ADAM18: variants seen among roughly 807,000 people sequenced by gnomAD.
ADAM18 encodes disintegrin and metalloproteinase domain-containing protein 18.
In ADAM18, 117 loss-of-function variants were observed where a neutral mutation model predicts 94.4. The ratio of observed to expected loss-of-function variants is 1.24; its 90% CI spans 1.07 to 1.45. The LOEUF (loss-of-function observed/expected upper bound fraction) is 1.45, where lower values mean the gene tolerates loss of function less well. Ranked by LOEUF, ADAM18 falls within the 40% of genes most tolerant of loss-of-function variation. The pLI is 0.00. For missense variants in ADAM18, 936 were observed against 880.0 expected, an observed-to-expected ratio of 1.06 and a Z score of -0.81; for synonymous variants, 327 against 291.6, an observed-to-expected ratio of 1.12 and a Z score of -1.24.
At chr8:39,658,030 T>G (rs1820734702) in intron 12 of ADAM18, among the ~76,000 whole-genome samples, 1 of 152,170 alleles carries the variant, frequency 6.6e-6, no homozygotes. Flanking sequence ...TCTACAGTAA[T>G]CAAAACACAT....
intron 7 of ADAM18, among the ~76,000 whole-genome samples, 160 bp from the exon 8 acceptor site, chr8:39,637,104 A>T (rs1478554266): frequency 1.4e-5 from 2 of 147,934 alleles, no homozygotes; most frequent in African/African-American, 2.5e-5. Context: ...ATCTTGTCTC[A>T]TATAAAATAG....
At chr8:39,604,897 G>T (rs1428812814) in intron 2 of ADAM18, among the ~76,000 whole-genome samples, 1 of 152,122 alleles carries the variant, frequency 6.6e-6, no homozygotes, top group Non-Finnish European at 1.5e-5. Context: ...TCCCTTCTTG[G>T]TGTAGATGTA....
intron 14 of ADAM18, 78 bp downstream of exon 14, chr8:39,668,274 T>A: frequency 1.5e-6 from 2 of 1,346,368 alleles, no homozygotes; most frequent in Non-Finnish European, 2.1e-6. Context: ...CACACAACTC[T>A]AGAAGTGGAA....
chr8:39,630,348 T>G (rs926657090), intron 7 of ADAM18, among the ~76,000 whole-genome samples: 11 of 151,358 alleles, frequency 7.3e-5, no homozygotes, highest in Admixed American at 6.6e-5. Context: ...TATGAGGCAC[T>G]ACGTACATTA....
intron 3 of ADAM18, among the ~76,000 whole-genome samples, chr8:39,606,614 A>G (rs967223887): frequency 5.9e-5 from 9 of 152,242 alleles, no homozygotes; most frequent in South Asian, 2.1e-4. Flanking sequence ...CAAATTGCAT[A>G]TAAGCCGTTG....
rs774100286 is a variant in ADAM18, at chr8:39,584,686, A to G, written c.55+9A>G. The G allele has an allele frequency of 1.9e-6, 3 of 1,612,612 alleles. No homozygotes were observed. The highest frequency in any genetic ancestry group is 2.2e-5 in the East Asian group (1 of 44,870). On this transcript the variant is annotated intron_variant, in intron 1 of 19. Transcript: ENST00000265707. ...ACTGCAAGCCCACGAAGGTAAGTCC[A>G]TGGGAGCCTCCCCTTTCTTCTTCGA... is the stretch of plus-strand genomic sequence containing the variant.
intron 6 of ADAM18, among the ~76,000 whole-genome samples, chr8:39,626,081 C>G (rs1035917218): frequency 3.9e-5 from 6 of 152,148 alleles, no homozygotes. Context: ...ATTAGTGACT[C>G]AATCTCACTG....
chr8:39,637,217 A>T, intron 7 of ADAM18, 47 bp from the exon 8 acceptor site: 2 of 1,385,234 alleles, frequency 1.4e-6, no homozygotes, highest in Non-Finnish European at 1.0e-6. Flanking sequence ...TTTCATTCAC[A>T]TGGATTCAAA....
chr8:39,610,631 T>A lies in ADAM18; in HGVS notation c.447T>A (p.Asn149Lys). 2 of 1,613,180 alleles carry A rather than the reference T, an allele frequency of 1.2e-6. No individual in the cohort carries two copies. The highest frequency in any genetic ancestry group is 1.7e-6 in the Non-Finnish European group (2 of 1,179,470). Residue 149 changes from asparagine (N) to lysine (K), a missense_variant, in exon 6 of 20, where the codon AAT becomes AAA. Asn to Lys is a moderately conservative substitution (Grantham distance 94). Coordinates refer to ENST00000265707, the MANE Select transcript of ADAM18 (RefSeq NM_014237.3). ...IIYQMKNNDP[N>K]VSILAVNYSH... ...ATCAAATGAAAAATAATGATCCAAATGTATCCATTTTAGCAGTAAATTACA... is the reference window on the plus strand; with the variant it reads ...ATCAAATGAAAAATAATGATCCAAAAGTATCCATTTTAGCAGTAAATTACA...
chr8:39,684,705 G>GAGA, intron 16 of ADAM18, among the ~76,000 whole-genome samples: 1 of 152,318 alleles, frequency 6.6e-6, no homozygotes, highest in South Asian at 2.1e-4. Flanking sequence ...AGTATGATGA[G>GAGA]AGAAGAGACC....
At chr8:39,668,812 CAT>C (rs1261388852) in intron 14 of ADAM18, among the ~76,000 whole-genome samples, 8 of 151,848 alleles carry the variant, frequency 5.3e-5, no homozygotes, top group Admixed American at 5.2e-4. Context: ...CAGTGAAATG[CAT>C]ATATATATAA....
intron 19 of ADAM18, among the ~76,000 whole-genome samples, chr8:39,724,145 T>C (rs1822836663): frequency 6.6e-6 from 1 of 151,756 alleles, no homozygotes; most frequent in African/African-American, 2.4e-5. Flanking sequence ...AAAGACTTAC[T>C]AGGTCAGAAA....
intron 14 of ADAM18, among the ~76,000 whole-genome samples, chr8:39,674,222 G>T (rs1480110104): frequency 2.0e-5 from 3 of 152,102 alleles, no homozygotes; most frequent in African/African-American, 4.8e-5. Flanking sequence ...TGACAGGGGG[G>T]TGTTAAAGTT....
chr8:39,610,927 A>AT (rs1393522457), intron 6 of ADAM18: 3 of 1,219,144 alleles, frequency 2.5e-6, no homozygotes, highest in Non-Finnish European at 2.1e-6. Flanking sequence ...TAATTTTTAT[A>AT]TTTTTTTCAA....
chr8:39,641,563 T>C (rs1820237763), intron 10 of ADAM18, among the ~76,000 whole-genome samples: 1 of 151,960 alleles, frequency 6.6e-6, no homozygotes, highest in Admixed American at 6.6e-5. Flanking sequence ...TAGGCGTCCA[T>C]ATGTTCTCAT....
In ADAM18 at chr8:39,663,904, A is replaced by T. The variant is rs762980451; in HGVS notation, c.1326+14A>T. ...TCAAAGTGTGAGGTAAGTTACTAAC[A>T]TTCATTAAAAGCAAATTGAACTGTG... On this transcript the variant is annotated intron_variant, in intron 13 of 19. Coordinates refer to ENST00000265707, the MANE Select transcript of ADAM18 (RefSeq NM_014237.3). 3 of 1,561,610 alleles carry T rather than the reference A, an allele frequency of 1.9e-6. No homozygotes were observed. The highest frequency in any genetic ancestry group is 2.6e-6 in the Non-Finnish European group (3 of 1,141,576).
intron 14 of ADAM18, among the ~76,000 whole-genome samples, chr8:39,672,645 A>T (rs1275268485): frequency 6.6e-6 from 1 of 152,232 alleles, no homozygotes; most frequent in African/African-American, 2.4e-5. Context: ...TTTCAGAGCC[A>T]GAACTCATTG....
At chr8:39,585,173 A>G in intron 1 of ADAM18, 103 bp from the exon 2 acceptor site, 1 of 807,952 alleles carries the variant, frequency 1.2e-6, no homozygotes, top group Non-Finnish European at 2.0e-6. Flanking sequence ...TTCTACTTAA[A>G]ATTTTAGGCG....
intron 12 of ADAM18, among the ~76,000 whole-genome samples, chr8:39,649,898 G>A (rs902168964): frequency 6.6e-6 from 1 of 152,096 alleles, no homozygotes; most frequent in Non-Finnish European, 1.5e-5. Context: ...TCCAGCTGCC[G>A]CCCGCCTCTT....
Sources: gnomAD v4.1 joint callset for allele counts (sites outside exome capture counted in the v4.1 genomes callset) on GRCh38, gnomAD v4.1.1 for gene constraint, MANE v1.5 for transcripts, NCBI Gene and HGNC (gene_info 2026-07-23, HGNC 2026-07-21) for gene names.